The following STK38L variants were observed in gnomAD, a reference collection of about 807,000 sequenced individuals.
STK38L encodes serine/threonine kinase 38 like.
STK38L carries 28 observed loss-of-function variants against 59.7 expected under a neutral mutation model. The observed-to-expected ratio is 0.47, with a 90% CI of 0.35 to 0.64. STK38L has a LOEUF of 0.64. STK38L is among the 30% of genes least tolerant of loss of function. The pLI, the probability that STK38L is intolerant of heterozygous loss-of-function variation, is 0.01. For missense variants in STK38L, 314 were observed against 555.8 expected (o/e 0.56, Z 4.37); for synonymous variants, 162 against 176.8 (o/e 0.92, Z 0.66).
At chr12:27,300,683 C>A (rs757548128) in intron 2 of STK38L, 19 of 446,978 alleles carry the variant, frequency 4.3e-5, no homozygotes, top group Admixed American at 2.7e-4. Context: ...AATGCATAAA[C>A]AAAAGACAAA....
intron 1 of STK38L, among the ~76,000 whole-genome samples, chr12:27,253,486 A>G (rs902532330): frequency 5.9e-5 from 9 of 152,176 alleles, no homozygotes; most frequent in Admixed American, 3.9e-4. Flanking sequence ...TGTGAATTGT[A>G]CATAAAGTAC....
chr12:27,305,899 C>T (rs1426351133), intron 3 of STK38L, among the ~76,000 whole-genome samples: 2 of 152,284 alleles, frequency 1.3e-5, no homozygotes, highest in East Asian at 3.9e-4. Flanking sequence ...GATGCAATTA[C>T]CACAAGGATA....
rs1335829968 is a variant in STK38L at position 27,281,366 on chromosome 12, T to G, written c.-11-16344T>G. 1.4e-3 allele frequency among the ~76,000 whole-genome samples: 5 copies of G among 3,644 alleles called. 2 individuals are homozygous for G. Among genetic ancestry groups the G allele is most frequent in the East Asian group, 9.9e-3 (5 of 506 alleles). The allele number at this position is 3,644 out of a possible 152,430, so 2.4% of individuals were successfully genotyped here. A position where few individuals can be genotyped will look rare whatever the true frequency, so the allele number is the denominator to read the frequency against. ...TCCCAAAGTGCTGGGATTACAGGCG[T>G]GAGCCACCGCGCCCGGCCCGGCTTT... On this transcript the variant is annotated intron_variant, in intron 1 of 13. Coordinates refer to ENST00000389032, the MANE Select transcript of STK38L (RefSeq NM_015000.4).
intron 1 of STK38L, among the ~76,000 whole-genome samples, chr12:27,272,035 T>C (rs1250729568): frequency 6.6e-6 from 1 of 152,206 alleles, no homozygotes; most frequent in East Asian, 1.9e-4. Flanking sequence ...CTGTGAATCT[T>C]TATTTTGGAT....
chr12:27,297,878 T>G, intron 2 of STK38L, 24 bp downstream of exon 2: 2 of 1,610,376 alleles, frequency 1.2e-6, no homozygotes, highest in Non-Finnish European at 1.7e-6. Flanking sequence ...TAATCAAAAC[T>G]TTTTTTAGTT....
intron 1 of STK38L, among the ~76,000 whole-genome samples, chr12:27,247,204 G>C (rs1942873128): frequency 6.6e-6 from 1 of 152,156 alleles, no homozygotes; most frequent in African/African-American, 2.4e-5. Flanking sequence ...ACAACTGTAT[G>C]GAGTAGGTAT....
intron 1 of STK38L, among the ~76,000 whole-genome samples, chr12:27,296,422 T>C (rs73083101): frequency 6.6e-6 from 1 of 152,232 alleles, no homozygotes; most frequent in Admixed American, 6.5e-5. Flanking sequence ...AAACCCCTAA[T>C]AGGACAACAG....
At chr12:27,261,278 C>G (rs1943199002) in intron 1 of STK38L, among the ~76,000 whole-genome samples, 1 of 152,192 alleles carries the variant, frequency 6.6e-6, no homozygotes, top group African/African-American at 2.4e-5. Flanking sequence ...TTATTTGTGT[C>G]AGCCTCAGTC....
chr12:27,309,085 T>C, intron 4 of STK38L, 29 bp from the exon 5 acceptor site: 1 of 1,521,998 alleles, frequency 6.6e-7, no homozygotes, highest in Non-Finnish European at 8.8e-7. Context: ...GTAGTGACTG[T>C]TTTATAATAT....
intron 1 of STK38L, among the ~76,000 whole-genome samples, chr12:27,252,485 A>G (rs1304251879): frequency 6.6e-6 from 1 of 152,196 alleles, no homozygotes; most frequent in Non-Finnish European, 1.5e-5. Context: ...TTAAGTGTCT[A>G]CCCACTGACC....
chr12:27,320,148 G>A (rs1195296874), intron 12 of STK38L, among the ~76,000 whole-genome samples: 1 of 152,152 alleles, frequency 6.6e-6, no homozygotes, highest in Admixed American at 6.6e-5. Flanking sequence ...TCTCCCTGCT[G>A]CCTCTACCCC....
At chr12:27,317,217 A>G in intron 9 of STK38L, 119 bp from the exon 10 acceptor site, 1 of 689,764 alleles carries the variant, frequency 1.4e-6, no homozygotes, top group African/African-American at 1.8e-5. Flanking sequence ...AAACATGCAA[A>G]ATAAATACAA....
chr12:27,315,481 C>T (rs910299854), intron 9 of STK38L, 131 bp downstream of exon 9: 34 of 701,944 alleles, frequency 4.8e-5, no homozygotes, highest in Middle Eastern at 4.2e-4. Context: ...GCTCTGGGAT[C>T]ACACAGTTTT....
Position 27,315,146 on chromosome 12 carries a change from C to G in STK38L, c.775+29C>G, listed in dbSNP as rs746391538. The stretch of plus-strand genomic sequence containing the variant: ...AGTTTGGTTGTTGTTTTTCTTCTTT[C>G]CCCTGGTTAAGATACTGTAGAGAAC... On this transcript the variant is annotated intron_variant, in intron 8 of 13. Transcript: ENST00000389032. 9 of 1,598,576 alleles carry G rather than the reference C, an allele frequency of 5.6e-6. No individual in the cohort carries two copies. The South Asian group carries it at 9.9e-5, about 18-fold the overall frequency.
intron 1 of STK38L, among the ~76,000 whole-genome samples, chr12:27,282,414 A>G (rs568620915): frequency 2.0e-5 from 3 of 152,366 alleles, no homozygotes; most frequent in South Asian, 4.1e-4. Context: ...GAATTTTTCA[A>G]TAGAAAAGTA....
At chr12:27,251,020 A>G (rs1303231364) in intron 1 of STK38L, among the ~76,000 whole-genome samples, 1 of 148,030 alleles carries the variant, frequency 6.8e-6, no homozygotes, top group East Asian at 2.0e-4. Context: ...AAAAAAAGAA[A>G]TTGCTTCTTC....
At chr12:27,261,617 T>G (rs1338344008) in intron 1 of STK38L, among the ~76,000 whole-genome samples, 2 of 152,214 alleles carry the variant, frequency 1.3e-5, no homozygotes, top group African/African-American at 2.4e-5. Context: ...TTTTTGTATC[T>G]CTTCTTCCAT....
chr12:27,316,369 C>T (rs1178745531), intron 9 of STK38L, among the ~76,000 whole-genome samples: 1 of 152,166 alleles, frequency 6.6e-6, no homozygotes, highest in Non-Finnish European at 1.5e-5. Flanking sequence ...AAACTGAATA[C>T]TGCTCAAAAT....
chr12:27,316,422 A>G (rs1944585939), intron 9 of STK38L, among the ~76,000 whole-genome samples: 1 of 152,304 alleles, frequency 6.6e-6, no homozygotes, highest in South Asian at 2.1e-4. Flanking sequence ...CAAAATATTC[A>G]TGGGTGATTA....
Sources: allele counts gnomAD v4.1 joint callset (sites outside exome capture counted in the v4.1 genomes callset), GRCh38; gene constraint gnomAD v4.1.1; transcripts MANE v1.5; gene names NCBI Gene and HGNC (gene_info 2026-07-23, HGNC 2026-07-21).